HCN1: variants seen among roughly 807,000 people sequenced by gnomAD.
HCN1 encodes hyperpolarization activated cyclic nucleotide gated potassium channel 1.
HCN1 carries 13 observed loss-of-function variants against 78.9 expected under a neutral mutation model. That is an observed-to-expected ratio of 0.16 (90% confidence interval 0.11 to 0.26). The LOEUF is 0.26. Ranked by LOEUF, HCN1 falls within the 10% of genes least tolerant of loss-of-function variation. The pLI is 1.00. For synonymous variants in HCN1, 552 were observed against 455.5 expected (o/e 1.21, Z -2.70); for missense variants, 810 against 1,154.3 (o/e 0.70, Z 4.32).
rs1429381900 is a variant in HCN1, at chr5:45,660,822, C to T, written c.426-15214G>A. Reference sequence around the variant, plus strand: ...CATAAAGCAAGTCCTGAGTGACATACAAAGAGACTTAGACTCCCACACATT... The same window carrying T: ...CATAAAGCAAGTCCTGAGTGACATATAAAGAGACTTAGACTCCCACACATT... On this transcript the variant is annotated intron_variant, in intron 1 of 7. Coordinates refer to ENST00000303230, the MANE Select transcript of HCN1 (RefSeq NM_021072.4). Among the ~76,000 whole-genome samples the T allele has an allele frequency of 6.9e-3, 931 of 134,506 alleles. 1 individual carries two copies. Among genetic ancestry groups the T allele is most frequent in the Non-Finnish European group, 9.3e-3 (592 of 63,326 alleles). 88.2% of individuals were successfully genotyped at this position (134,506 alleles called of 152,430 possible).
At chr5:45,555,082 G>A (rs1240184467) in intron 2 of HCN1, among the ~76,000 whole-genome samples, 3 of 151,804 alleles carry the variant, frequency 2.0e-5, no homozygotes, top group Non-Finnish European at 4.4e-5. Flanking sequence ...GGGGCATCCA[G>A]ATTGGAAAGG....
intron 2 of HCN1, among the ~76,000 whole-genome samples, chr5:45,614,048 T>C (rs1744895711): frequency 6.6e-6 from 1 of 152,270 alleles, no homozygotes; most frequent in South Asian, 2.1e-4. Flanking sequence ...GGAAAAATGA[T>C]GTACCAATGG....
At chr5:45,444,557 G>T (rs1222379908) in intron 3 of HCN1, among the ~76,000 whole-genome samples, 1 of 152,046 alleles carries the variant, frequency 6.6e-6, no homozygotes, top group Non-Finnish European at 1.5e-5. Flanking sequence ...AGCCTTGTCT[G>T]ATTCTTGTAC....
chr5:45,454,526 T>C (rs1461495494), intron 3 of HCN1, among the ~76,000 whole-genome samples: 1 of 151,878 alleles, frequency 6.6e-6, no homozygotes, highest in Non-Finnish European at 1.5e-5. Context: ...CTTTCTGTTA[T>C]GGCAGTACGT....
At chr5:45,317,346 G>C (rs1434777766) in intron 5 of HCN1, among the ~76,000 whole-genome samples, 1 of 152,152 alleles carries the variant, frequency 6.6e-6, no homozygotes, top group African/African-American at 2.4e-5. Context: ...AACGGTGCTA[G>C]GAAAACTGGC....
chr5:45,374,288 C>T (rs887897283), intron 4 of HCN1, among the ~76,000 whole-genome samples: 6 of 98,424 alleles, frequency 6.1e-5, no homozygotes, highest in African/African-American at 1.7e-4. Context: ...ACATTATATA[C>T]ATTATATATA....
Position 45,574,107 on chromosome 5 carries a change from A to G in HCN1, c.849+71078T>C, listed in dbSNP as rs569424792. On this transcript the variant is annotated intron_variant, in intron 2 of 7. Transcript: ENST00000303230. ...TTTTTCCTATCCTATCCACAATACC[A>G]TGATGCTATATAGCTATTAAATTTG... Among the ~76,000 whole-genome samples, 186 of 152,234 alleles carry G rather than the reference A, an allele frequency of 1.2e-3. 1 individual carries two copies. Among genetic ancestry groups the G allele is most frequent in the African/African-American group, 4.4e-3 (181 of 41,570 alleles).
chr5:45,373,550 AAT>A (rs1329215648), intron 4 of HCN1, among the ~76,000 whole-genome samples: 4 of 141,590 alleles, frequency 2.8e-5, no homozygotes, highest in Non-Finnish European at 4.5e-5. Context: ...GGTCATCTAT[AAT>A]ATATATTACA....
At chr5:45,506,825 C>T (rs1363263115) in intron 2 of HCN1, among the ~76,000 whole-genome samples, 1 of 152,106 alleles carries the variant, frequency 6.6e-6, no homozygotes, top group Middle Eastern at 3.4e-3. Context: ...ATCATAAAAG[C>T]TCACTGAGAA....
chr5:45,336,554 A>G (rs1335182632), intron 5 of HCN1, among the ~76,000 whole-genome samples: 2 of 152,002 alleles, frequency 1.3e-5, no homozygotes, highest in African/African-American at 4.8e-5. Context: ...AAGTGTCTCA[A>G]TATTTAGGTT....
chr5:45,625,023 T>C lies in HCN1; in HGVS notation c.849+20162A>G, dbSNP rs142971092. Among the ~76,000 whole-genome samples, 44 of 152,274 alleles carry C rather than the reference T, an allele frequency of 2.9e-4. No individual in the cohort carries two copies. In the East Asian group the frequency reaches 8.3e-3, roughly 29 times the overall value. ...TAAAATTGTTTGATCTAATAGTGTG[T>C]AGCTGTTAAAGCAAGGCTACATGTT... On this transcript the variant is annotated intron_variant, in intron 2 of 7. Coordinates refer to ENST00000303230, the MANE Select transcript of HCN1 (RefSeq NM_021072.4).
At chr5:45,438,618 A>C (rs2112084098) in intron 3 of HCN1, among the ~76,000 whole-genome samples, 1 of 151,956 alleles carries the variant, frequency 6.6e-6, no homozygotes, top group Non-Finnish European at 1.5e-5. Context: ...CAAACAAAAA[A>C]AGAAAAACAA....
At chr5:45,308,882 G>C (rs1198281647) in intron 5 of HCN1, among the ~76,000 whole-genome samples, 1 of 152,068 alleles carries the variant, frequency 6.6e-6, no homozygotes, top group African/African-American at 2.4e-5. Flanking sequence ...TTTTAAAACA[G>C]TTTTTTCTAG....
intron 5 of HCN1, among the ~76,000 whole-genome samples, chr5:45,348,026 T>C (rs1395666870): frequency 6.6e-6 from 1 of 152,096 alleles, no homozygotes; most frequent in Non-Finnish European, 1.5e-5. Flanking sequence ...GCCACAAAGA[T>C]ACTCCTTGAG....
chr5:45,431,510 T>C (rs1305084526), intron 3 of HCN1, among the ~76,000 whole-genome samples: 1 of 152,200 alleles, frequency 6.6e-6, no homozygotes, highest in Non-Finnish European at 1.5e-5. Context: ...TATTTGCTGG[T>C]TCCTATGTCC....
rs546961753 is a variant in HCN1 at position 45,267,400 on chromosome 5, G to A, written c.1619-147C>T. Reference sequence around the variant, plus strand: ...TCTATTATATCAGCAAATTCCTTCTGACAAAAATATCCGACTGCCAATACT... The same window carrying A: ...TCTATTATATCAGCAAATTCCTTCTAACAAAAATATCCGACTGCCAATACT... On this transcript the variant is annotated intron_variant, in intron 6 of 7. Coordinates refer to ENST00000303230, the MANE Select transcript of HCN1 (RefSeq NM_021072.4). 2,290 of 627,344 alleles carry A rather than the reference G, an allele frequency of 3.7e-3. 3 individuals are homozygous for A. Among genetic ancestry groups the A allele is most frequent in the Admixed American group, 4.2e-3 (146 of 34,438 alleles). The allele number at this position is 627,344 out of a possible 1,614,324, so 38.9% of individuals were successfully genotyped here.
chr5:45,295,095 C>A (rs1745462157), intron 6 of HCN1, among the ~76,000 whole-genome samples: 1 of 151,996 alleles, frequency 6.6e-6, no homozygotes, highest in Non-Finnish European at 1.5e-5. Flanking sequence ...CCAACACTCA[C>A]CACAACCCCA....
chr5:45,270,662 G>A (rs968489292), intron 6 of HCN1, among the ~76,000 whole-genome samples: 2 of 152,142 alleles, frequency 1.3e-5, no homozygotes, highest in African/African-American at 4.8e-5. Flanking sequence ...GTAGAGGGAT[G>A]AGATAAAGGC....
At chr5:45,520,889 A>T (rs1742600774) in intron 2 of HCN1, among the ~76,000 whole-genome samples, 1 of 152,034 alleles carries the variant, frequency 6.6e-6, no homozygotes, top group South Asian at 2.1e-4. Context: ...CAGTAGTAGC[A>T]TAAAGGATAA....
Sources: gnomAD v4.1 joint callset for allele counts (sites outside exome capture counted in the v4.1 genomes callset) on GRCh38, gnomAD v4.1.1 for gene constraint, MANE v1.5 for transcripts, NCBI Gene and HGNC (gene_info 2026-07-23, HGNC 2026-07-21) for gene names.